The following GPRIN2 variants were observed in gnomAD, a reference collection of about 807,000 sequenced individuals.
The protein encoded by GPRIN2 is G protein-regulated inducer of neurite outgrowth 2.
In GPRIN2, 1 loss-of-function variant was observed where a neutral mutation model predicts 0.3. The observed-to-expected ratio is 3.90, with a 90% CI of 1.39 to 18.51. The LOEUF is 18.51. Among genes scored for constraint, GPRIN2 ranks in the 30% most tolerant of loss-of-function variants. The pLI, the probability that GPRIN2 is intolerant of heterozygous loss-of-function variation, is 0.11. For missense variants in GPRIN2, 880 were observed against 604.2 expected, an observed-to-expected ratio of 1.46 and a Z score of -4.79; for synonymous variants, 361 against 258.6, an observed-to-expected ratio of 1.40 and a Z score of -3.80.
rs1389892818 is a variant in GPRIN2 at position 46,544,238 on chromosome 10, A to G, written c.*5122T>C. ...CCGGGTGTGCCAGAAACAGCCTTTC[A>G]TAATACAAGATGGACAGGAAAGAGG... On this transcript the variant is annotated 3_prime_UTR_variant, in exon 3 of 3. Transcript: ENST00000374314. Among the ~76,000 whole-genome samples the G allele has an allele frequency of 6.6e-6, 1 of 152,306 alleles. No homozygotes were observed. Among genetic ancestry groups the G allele is most frequent in the Non-Finnish European group, 1.5e-5 (1 of 68,056 alleles).
chr10:46,542,968 G>A lies in GPRIN2; in HGVS notation c.*6392C>T, dbSNP rs1293240128. Among the ~76,000 whole-genome samples, 1 of 152,310 alleles carries A rather than the reference G, an allele frequency of 6.6e-6. No homozygotes were observed. The highest frequency in any genetic ancestry group is 6.5e-5 in the Admixed American group (1 of 15,294). ...CAGCCACCAACAAGGGCCACCAAAA[G>A]TTAGGACTGATGGGGTGCCCTTCCA... On this transcript the variant is annotated 3_prime_UTR_variant, in exon 3 of 3. Transcript: ENST00000374314.
intron 2 of GPRIN2, among the ~76,000 whole-genome samples, chr10:46,553,282 C>T (rs1832055004): frequency 8.5e-5 from 13 of 152,424 alleles, no homozygotes; most frequent in African/African-American, 3.1e-4. Flanking sequence ...TGCCATGGAA[C>T]AAGTCACTGA....
intron 2 of GPRIN2, among the ~76,000 whole-genome samples, chr10:46,553,715 T>C (rs1842861673): frequency 6.6e-6 from 1 of 152,304 alleles, no homozygotes; most frequent in South Asian, 2.1e-4. Context: ...CCTTCCCCAT[T>C]CCCCCTCCAC....
rs1555015723 is a variant in GPRIN2, at chr10:46,548,245, A to AT, written c.*1114_*1115insA. On this transcript the variant is annotated 3_prime_UTR_variant, in exon 3 of 3. Coordinates refer to ENST00000374314, the MANE Select transcript of GPRIN2 (RefSeq NM_001385282.1). ...GGGCAATGAAGTCAGACTGTGCCAA[A>AT]GCCCATGTTTCTGTCTCTCCAAGGC... is the stretch of plus-strand genomic sequence containing the variant. Among the ~76,000 whole-genome samples the AT allele has an allele frequency of 2.6e-5, 4 of 152,292 alleles. No homozygotes were observed. Among genetic ancestry groups the AT allele is most frequent in the African/African-American group, 9.6e-5 (4 of 41,472 alleles).
chr10:46,542,505 T>C lies in GPRIN2; in HGVS notation c.*6855A>G, dbSNP rs1588948680. Reference sequence around the variant, plus strand: ...CTTCTGCATTCATTTTCCTTCCTGCTGCCTTGTGAAGAAGGTGCCTTGCTT... The same window carrying C: ...CTTCTGCATTCATTTTCCTTCCTGCCGCCTTGTGAAGAAGGTGCCTTGCTT... On this transcript the variant is annotated 3_prime_UTR_variant, in exon 3 of 3. Coordinates refer to ENST00000374314, the MANE Select transcript of GPRIN2 (RefSeq NM_001385282.1). Among the ~76,000 whole-genome samples the C allele has an allele frequency of 6.6e-6, 1 of 152,310 alleles. No individual in the cohort carries two copies. Among genetic ancestry groups the C allele is most frequent in the East Asian group, 1.9e-4 (1 of 5,208 alleles).
chr10:46,551,322 C>CAATG, intron 2 of GPRIN2: 1 of 868,454 alleles, frequency 1.2e-6, no homozygotes, highest in Non-Finnish European at 1.4e-6. Context: ...GACCAGAGGA[C>CAATG]ACTGAGAATC....
In GPRIN2 at chr10:46,543,428, T is replaced by G. The variant is rs1302228497; in HGVS notation, c.*5932A>C. On this transcript the variant is annotated 3_prime_UTR_variant, in exon 3 of 3. Transcript: ENST00000374314. ...GAACAGATTAAAGAGAAATGGGGGA[T>G]GGGGATGACAGAGCACCCAGGGCAG... Among the ~76,000 whole-genome samples, 1 of 152,304 alleles carries G rather than the reference T, an allele frequency of 6.6e-6. No individual in the cohort carries two copies. The highest frequency in any genetic ancestry group is 2.4e-5 in the African/African-American group (1 of 41,484).
At chr10:46,553,905 G>C (rs1672009524) in intron 2 of GPRIN2, among the ~76,000 whole-genome samples, 1 of 152,418 alleles carries the variant, frequency 6.6e-6, no homozygotes, top group Non-Finnish European at 1.5e-5. Context: ...CTTCCACACT[G>C]CCTGTCACAG....
At chr10:46,556,119 C>T (rs1831855847) in intron 1 of GPRIN2, among the ~76,000 whole-genome samples, 1 of 152,408 alleles carries the variant, frequency 6.6e-6, no homozygotes, top group South Asian at 2.1e-4. Context: ...TGATGCGGGA[C>T]AGGAGAAGCC....
chr10:46,556,364 G>A (rs1447323845), intron 1 of GPRIN2, among the ~76,000 whole-genome samples, 134 bp downstream of exon 1: 1 of 152,302 alleles, frequency 6.6e-6, no homozygotes. Context: ...GGCTCTGGGC[G>A]CTGGGCAGGG....
chr10:46,555,204 C>T (rs1843047548), intron 1 of GPRIN2, among the ~76,000 whole-genome samples: 1 of 152,308 alleles, frequency 6.6e-6, no homozygotes, highest in East Asian at 1.9e-4. Flanking sequence ...GCCTCGGCCT[C>T]CCAAAGTGCT....
Position 46,546,467 on chromosome 10 carries a change from G to C in GPRIN2, c.*2893C>G, listed in dbSNP as rs527677503. The stretch of plus-strand genomic sequence containing the variant: ...AGGACCGATGCCCCATCCCTGCTGG[G>C]GTCTGGCAAAGCTCTCACCTCCAAA... On this transcript the variant is annotated 3_prime_UTR_variant, in exon 3 of 3. Coordinates refer to ENST00000374314, the MANE Select transcript of GPRIN2 (RefSeq NM_001385282.1). Among the ~76,000 whole-genome samples the C allele has an allele frequency of 8.5e-5, 13 of 152,300 alleles. No homozygotes were observed. The highest frequency in any genetic ancestry group is 1.8e-4 in the Non-Finnish European group (12 of 68,046).
At position 46,549,110 on chromosome 10, in the gene GPRIN2, C is replaced by T. The variant is rs1832768351; in HGVS notation, c.*250G>A. 1,072 of 486,012 alleles carry T rather than the reference C, an allele frequency of 2.2e-3. No homozygotes were observed. Among genetic ancestry groups the T allele is most frequent in the African/African-American group, 0.02 (970 of 49,176 alleles). The allele number at this position is 486,012 out of a possible 1,614,324, so 30.1% of individuals were successfully genotyped here. Reference sequence around the variant, plus strand: ...CTCCCCTCTGCACAGTGCTAAAGCCCTGTCTCAAAGTTCAGAGCCCGGAAG... The same window carrying T: ...CTCCCCTCTGCACAGTGCTAAAGCCTTGTCTCAAAGTTCAGAGCCCGGAAG... On this transcript the variant is annotated 3_prime_UTR_variant, in exon 3 of 3. Transcript: ENST00000374314.
chr10:46,547,125 G>A lies in GPRIN2; in HGVS notation c.*2235C>T, dbSNP rs113949222. Among the ~76,000 whole-genome samples the A allele has an allele frequency of 6.0e-4, 91 of 152,368 alleles. No homozygotes were observed. The highest frequency in any genetic ancestry group is 2.2e-3 in the African/African-American group (90 of 41,550). ...CATGCCATTCACCTTGACCCAGGTA[G>A]TGGCCTCACCCTCCTCTTGCTCAAA... On this transcript the variant is annotated 3_prime_UTR_variant, in exon 3 of 3. Coordinates refer to ENST00000374314, the MANE Select transcript of GPRIN2 (RefSeq NM_001385282.1).
In GPRIN2 at chr10:46,548,730, A is replaced by G. The variant is rs1842392975; in HGVS notation, c.*630T>C. Among the ~76,000 whole-genome samples the G allele has an allele frequency of 6.6e-6, 1 of 152,308 alleles. No homozygotes were observed. Among genetic ancestry groups the G allele is most frequent in the African/African-American group, 2.4e-5 (1 of 41,486 alleles). The stretch of plus-strand genomic sequence containing the variant: ...GCACTGACTGGACCGGGCACATGCT[A>G]CAGGGCAACACCCACGGCTCAGCTG... On this transcript the variant is annotated 3_prime_UTR_variant, in exon 3 of 3. Coordinates refer to ENST00000374314, the MANE Select transcript of GPRIN2 (RefSeq NM_001385282.1).
At chr10:46,554,418 C>T (rs1842946951) in intron 2 of GPRIN2, among the ~76,000 whole-genome samples, 167 bp downstream of exon 2, 1 of 152,310 alleles carries the variant, frequency 6.6e-6, no homozygotes, top group African/African-American at 2.4e-5. Flanking sequence ...GCATACAAGT[C>T]TAGAGTCTGC....
Position 46,550,327 on chromosome 10 carries a change from C to G in GPRIN2, c.410G>C (p.Arg137Pro), listed in dbSNP as rs1832408576. 1.2e-6 allele frequency: 2 copies of G among 1,613,146 alleles called. No individual in the cohort carries two copies. The highest frequency in any genetic ancestry group is 1.7e-6 in the Non-Finnish European group (2 of 1,179,946). Residue 137 changes from arginine to proline, a missense_variant, in exon 3 of 3, where the codon CGG (arginine) becomes CCG (proline). Transcript: ENST00000374314. ...GGCTGAGCAGCTGAGACTGGCCTTCCGAGCACCACTGTGTCCCCGCATCTG... is the reference window on the plus strand; with the variant it reads ...GGCTGAGCAGCTGAGACTGGCCTTCGGAGCACCACTGTGTCCCCGCATCTG... The part of the protein sequence containing the change: ...STQMRGHSGA[R>P]KASLSCSALG...
At position 46,544,021 on chromosome 10, in the gene GPRIN2, T is replaced by C. The variant is rs1420390339; in HGVS notation, c.*5339A>G. 3.3e-5 allele frequency among the ~76,000 whole-genome samples: 5 copies of C among 152,292 alleles called. No homozygotes were observed. Among genetic ancestry groups the C allele is most frequent in the African/African-American group, 1.2e-4 (5 of 41,480 alleles). On this transcript the variant is annotated 3_prime_UTR_variant, in exon 3 of 3. Transcript: ENST00000374314. ...GTGTTCTTCTGCTTTATTATTCCCG[T>C]GTAGCCACAGCAACAGAACTGGCCC...
chr10:46,553,096 C>G (rs932894332), intron 2 of GPRIN2, among the ~76,000 whole-genome samples: 5 of 152,312 alleles, frequency 3.3e-5, no homozygotes, highest in Admixed American at 2.0e-4. Flanking sequence ...CAGTCATTAT[C>G]TCCATTCTAC....
Sources: gnomAD v4.1 joint callset for allele counts (sites outside exome capture counted in the v4.1 genomes callset) on GRCh38, gnomAD v4.1.1 for gene constraint, MANE v1.5 for transcripts, NCBI Gene and HGNC (gene_info 2026-07-23, HGNC 2026-07-21) for gene names.